Variants in CORO2B observed in about 807,000 individuals in gnomAD.
CORO2B encodes coronin 2B, also known as coronin-2B.
Under a neutral mutation model 58.8 loss-of-function variants are expected in CORO2B, and 26 were observed. The observed-to-expected ratio is 0.44, with a 90% confidence interval of 0.32 to 0.61. CORO2B has a LOEUF of 0.61. Among genes scored for constraint, CORO2B ranks in the 20% least tolerant of loss-of-function variants. The probability of loss-of-function intolerance (pLI) is 0.04; values close to 1 mark genes in which losing one functional copy is unlikely to be tolerated. For synonymous variants in CORO2B, 242 were observed against 253.8 expected (o/e 0.95, Z 0.44); for missense variants, 460 against 645.1 (o/e 0.71, Z 3.11).
chr15:68,678,117 A>G (rs74020273), intron 2 of CORO2B, among the ~76,000 whole-genome samples: 13,126 of 152,214 alleles, frequency 0.086, 1,406 homozygotes, highest in African/African-American at 0.25. Flanking sequence ...CTTTCCCCCC[A>G]GATGACTTGT....
At chr15:68,604,580 T>A (rs1030419628) in intron 1 of CORO2B, among the ~76,000 whole-genome samples, 2 of 151,650 alleles carry the variant, frequency 1.3e-5, no homozygotes, top group Admixed American at 1.3e-4. Context: ...AGGACCACTC[T>A]GGAAAGGCTG....
At chr15:68,575,385 T>G (rs1207914594), upstream of CORO2B, among the ~76,000 whole-genome samples, 1 of 151,234 alleles carries the variant, frequency 6.6e-6, no homozygotes, top group Non-Finnish European at 1.5e-5. Context: ...TCACTCAGGC[T>G]GGAGTGCAGT....
the CORO2B span, among the ~76,000 whole-genome samples, chr15:68,564,451 G>A: frequency 2.6e-5 from 4 of 151,998 alleles, no homozygotes; most frequent in Non-Finnish European, 2.9e-5. Flanking sequence ...CTACAGGAGC[G>A]TGCCACTACA....
At chr15:68,577,724 C>CA (rs11389925), upstream of CORO2B, among the ~76,000 whole-genome samples, 25,375 of 108,448 alleles carry the variant, frequency 0.23, 2,544 homozygotes, top group South Asian at 0.25. Context: ...ACTCCGGTCT[C>CA]AAAAAAAAAA....
At chr15:68,717,272 C>T (rs1014625332) in intron 8 of CORO2B, among the ~76,000 whole-genome samples, 2 of 151,484 alleles carry the variant, frequency 1.3e-5, no homozygotes, top group African/African-American at 4.9e-5. Context: ...TAAGATCACA[C>T]CACTGCACTC....
chr15:68,615,884 CA>C (rs2140248160), intron 1 of CORO2B, among the ~76,000 whole-genome samples: 1 of 152,276 alleles, frequency 6.6e-6, no homozygotes, highest in Non-Finnish European at 1.5e-5. Context: ...AGGACTGAGA[CA>C]AGAAAGAAGA....
intron 3 of CORO2B, among the ~76,000 whole-genome samples, chr15:68,701,472 C>T (rs151206104): frequency 0.015 from 1,566 of 103,482 alleles, 34 homozygotes; most frequent in African/African-American, 0.045. Context: ...CAACCACGCC[C>T]GGCTAATTTT....
chr15:68,680,570 C>A (rs2140302008), intron 2 of CORO2B, among the ~76,000 whole-genome samples: 1 of 152,278 alleles, frequency 6.6e-6, no homozygotes, highest in African/African-American at 2.4e-5. Context: ...TCTATGGCAT[C>A]ATTAATTCAA....
At chr15:68,696,347 G>A (rs1207538253) in intron 3 of CORO2B, among the ~76,000 whole-genome samples, 2 of 151,778 alleles carry the variant, frequency 1.3e-5, no homozygotes, top group African/African-American at 2.4e-5. Flanking sequence ...TCAGGAGTTC[G>A]AGACCAGCTT....
At position 68,674,105 on chromosome 15, in the gene CORO2B, G is replaced by A. The variant is rs540440915; in HGVS notation, c.217-21035G>A. Among the ~76,000 whole-genome samples the A allele has an allele frequency of 6.6e-5, 10 of 152,280 alleles. No individual in the cohort carries two copies. In the South Asian group the frequency reaches 2.1e-3, roughly 32 times the overall value. On this transcript the variant is annotated intron_variant, in intron 2 of 11. Transcript: ENST00000261861. ...GGGAGAGAGGCTGCGTGTGTGTCTC[G>A]GGTCCTGGTCGGCTCAGTTCCCTCC...
At chr15:68,606,389 C>T (rs1037184825) in intron 1 of CORO2B, among the ~76,000 whole-genome samples, 1 of 152,142 alleles carries the variant, frequency 6.6e-6, no homozygotes, top group Non-Finnish European at 1.5e-5. Flanking sequence ...AGCATTTATT[C>T]CAAGCTCCCT....
chr15:68,529,710 T>C, the CORO2B span, among the ~76,000 whole-genome samples: 1 of 152,230 alleles, frequency 6.6e-6, no homozygotes, highest in Non-Finnish European at 1.5e-5. Flanking sequence ...TTGTATGTAA[T>C]TTGCTCTTCT....
At chr15:68,712,208 T>A (rs1026306626) in intron 5 of CORO2B, among the ~76,000 whole-genome samples, 1 of 152,134 alleles carries the variant, frequency 6.6e-6, no homozygotes, top group African/African-American at 2.4e-5. Context: ...GAAATTACCA[T>A]TTTTTGAGCA....
chr15:68,639,362 A>T (rs1373349667), intron 1 of CORO2B, among the ~76,000 whole-genome samples: 2 of 152,226 alleles, frequency 1.3e-5, no homozygotes, highest in Non-Finnish European at 2.9e-5. Context: ...GAAAGAAAAC[A>T]TGCATATCTA....
At chr15:68,615,929 A>T (rs1900343193) in intron 1 of CORO2B, among the ~76,000 whole-genome samples, 1 of 152,176 alleles carries the variant, frequency 6.6e-6, no homozygotes, top group African/African-American at 2.4e-5. Flanking sequence ...TTACTGCTTG[A>T]TAGAGACATA....
In CORO2B at chr15:68,645,399, G is replaced by A. The variant is rs1901392288; in HGVS notation, c.216+39G>A. ...ACCTTCACTCCAGCTGCAGCTCCAG[G>A]GCAGAGAGGAGCCCTCCTTGGTCTC... is the stretch of plus-strand genomic sequence containing the variant. On this transcript the variant is annotated intron_variant, in intron 2 of 11. Transcript: ENST00000261861. This position sits in a 1 kb window ranked among gnomAD's most constrained non-coding sequence, Gnocchi z 4.5. 16 of 1,593,438 alleles carry A rather than the reference G, an allele frequency of 1.0e-5. No individual in the cohort carries two copies. The East Asian group carries it at 3.4e-4, about 33-fold the overall frequency.
chr15:68,708,216 C>T (rs1892827225), intron 3 of CORO2B, among the ~76,000 whole-genome samples: 1 of 152,170 alleles, frequency 6.6e-6, no homozygotes, highest in Non-Finnish European at 1.5e-5. Context: ...GGGGAACACA[C>T]ATGAGGGAAA....
chr15:68,602,619 G>A (rs1296803747), intron 1 of CORO2B, among the ~76,000 whole-genome samples: 1 of 152,164 alleles, frequency 6.6e-6, no homozygotes, highest in African/African-American at 2.4e-5. Flanking sequence ...TGATCAGCCT[G>A]GCTGGTGGGA....
At chr15:68,591,079 G>A (rs960652982) in intron 1 of CORO2B, among the ~76,000 whole-genome samples, 2 of 152,224 alleles carry the variant, frequency 1.3e-5, no homozygotes, top group Non-Finnish European at 2.9e-5. Context: ...TCTGTGGGGG[G>A]ACACAGGCTG....
Sources: gnomAD v4.1 joint callset for allele counts (sites outside exome capture counted in the v4.1 genomes callset) on GRCh38, gnomAD v4.1.1 for gene constraint, Gnocchi (gnomAD v3.1) non-coding constraint, MANE v1.5 for transcripts, NCBI Gene and HGNC (gene_info 2026-07-23, HGNC 2026-07-21) for gene names.